Variants in MALRD1 observed in about 807,000 individuals in gnomAD.
The protein encoded by MALRD1 is MAM and LDL receptor class A domain containing 1, also known as MAM and LDL-receptor class A domain-containing protein 1.
Under a neutral mutation model 242.1 loss-of-function variants are expected in MALRD1, and 247 were observed. That is an observed-to-expected ratio of 1.02 (90% CI 0.92 to 1.13). The LOEUF is 1.13. Among genes scored for constraint, MALRD1 ranks in the 50% most tolerant of loss-of-function variants. The probability of loss-of-function intolerance (pLI) is 0.00; values close to 1 mark genes in which losing one functional copy is unlikely to be tolerated. For synonymous variants in MALRD1, 995 were observed against 866.6 expected (o/e 1.15, Z -2.60); for missense variants, 2,989 against 2,533.1 (o/e 1.18, Z -3.86).
At chr10:19,202,825 A>G (rs1836600994) in intron 14 of MALRD1, among the ~76,000 whole-genome samples, 1 of 152,132 alleles carries the variant, frequency 6.6e-6, no homozygotes, top group South Asian at 2.1e-4. Context: ...GTTAACACTT[A>G]TTGTCAACAG....
chr10:19,661,389 T>A (rs1226626759), intron 36 of MALRD1, among the ~76,000 whole-genome samples: 1 of 152,168 alleles, frequency 6.6e-6, no homozygotes, highest in Non-Finnish European at 1.5e-5. Context: ...CCAACCCAAA[T>A]GTCCAACAAT....
intron 29 of MALRD1, among the ~76,000 whole-genome samples, chr10:19,453,626 A>G (rs1442727994): frequency 6.6e-6 from 1 of 152,184 alleles, no homozygotes; most frequent in African/African-American, 2.4e-5. Flanking sequence ...CCTGCAGTCC[A>G]GCACTTTGGG....
intron 34 of MALRD1, among the ~76,000 whole-genome samples, chr10:19,597,703 T>TGAAGGAGGC (rs1378214634): frequency 1.5e-4 from 23 of 152,274 alleles, no homozygotes; most frequent in Non-Finnish European, 3.2e-4. Flanking sequence ...TATACATTAG[T>TGAAGGAGGC]GAAGGAGGCT....
chr10:19,094,701 G>A (rs1177405901), intron 4 of MALRD1, among the ~76,000 whole-genome samples: 1 of 152,182 alleles, frequency 6.6e-6, no homozygotes, highest in Non-Finnish European at 1.5e-5. Context: ...TAATGAGGAA[G>A]GAGACTGTTT....
At chr10:19,647,857 C>A (rs1212873062) in intron 36 of MALRD1, among the ~76,000 whole-genome samples, 7 of 152,110 alleles carry the variant, frequency 4.6e-5, no homozygotes, top group African/African-American at 1.7e-4. Context: ...CATGACACAA[C>A]TTTTTTCCAA....
At chr10:19,535,084 C>T (rs1367580349) in intron 32 of MALRD1, among the ~76,000 whole-genome samples, 1 of 152,088 alleles carries the variant, frequency 6.6e-6, no homozygotes, top group Non-Finnish European at 1.5e-5. Flanking sequence ...TGGCGTTTCA[C>T]CATGTTGGCC....
chr10:19,307,701 A>C (rs974708993), intron 21 of MALRD1, among the ~76,000 whole-genome samples: 1 of 151,504 alleles, frequency 6.6e-6, no homozygotes, highest in African/African-American at 2.4e-5. Flanking sequence ...TATAGTGGGG[A>C]GGAAAAATAT....
At chr10:19,432,714 G>C (rs1354331554) in intron 28 of MALRD1, among the ~76,000 whole-genome samples, 2 of 152,126 alleles carry the variant, frequency 1.3e-5, no homozygotes, top group East Asian at 3.9e-4. Context: ...AATAAGAATG[G>C]AGCCCATTTT....
At chr10:19,145,267 C>T (rs932193001) in intron 10 of MALRD1, among the ~76,000 whole-genome samples, 3 of 152,120 alleles carry the variant, frequency 2.0e-5, no homozygotes, top group African/African-American at 7.2e-5. Flanking sequence ...ATGCTCCAAA[C>T]CCCGACTTTC....
intron 31 of MALRD1, among the ~76,000 whole-genome samples, chr10:19,499,106 T>A (rs1182909393): frequency 1.3e-5 from 2 of 152,136 alleles, no homozygotes; most frequent in Non-Finnish European, 2.9e-5. Flanking sequence ...TAAGTGGTGA[T>A]GGAATGAGTG....
chr10:19,571,133 G>C (rs960826883), intron 33 of MALRD1, among the ~76,000 whole-genome samples: 14 of 152,228 alleles, frequency 9.2e-5, no homozygotes, highest in Non-Finnish European at 1.3e-4. Context: ...TGTGAGAACA[G>C]ATTATAATTA....
At chr10:19,102,646 C>T (rs1402136016) in intron 4 of MALRD1, among the ~76,000 whole-genome samples, 1 of 146,100 alleles carries the variant, frequency 6.8e-6, no homozygotes, top group Non-Finnish European at 1.5e-5. Flanking sequence ...TTCATCACAT[C>T]CATGAACAAA....
At chr10:19,329,082 G>A (rs7071861) in intron 23 of MALRD1, among the ~76,000 whole-genome samples, 118,753 of 152,234 alleles carry the variant, frequency 0.78, 46,758 homozygotes, top group African/African-American at 0.87. Flanking sequence ...TGAATTTCTA[G>A]TTTTTCACAT....
At chr10:19,476,632 G>A (rs1836746818) in intron 29 of MALRD1, among the ~76,000 whole-genome samples, 1 of 152,114 alleles carries the variant, frequency 6.6e-6, no homozygotes, top group Non-Finnish European at 1.5e-5. Context: ...ATGGATTTGA[G>A]GTATTTGTAT....
chr10:19,533,875 C>T (rs1300646053), intron 32 of MALRD1, among the ~76,000 whole-genome samples: 4 of 152,160 alleles, frequency 2.6e-5, no homozygotes, highest in Admixed American at 6.5e-5. Context: ...GCTTTTACCA[C>T]GTCCGTGGGT....
At position 19,504,838 on chromosome 10, in the gene MALRD1, G is replaced by A. The variant is rs570828638; in HGVS notation, c.5320+6192G>A. On this transcript the variant is annotated intron_variant, in intron 31 of 39. Transcript: ENST00000454679. ...GCTGGGACTACAGGCGCCCGCCACC[G>A]CGCCCGGCTAAGTTTTTGTATTTTT... 3.0e-3 allele frequency among the ~76,000 whole-genome samples: 447 copies of A among 150,420 alleles called. 3 individuals are homozygous for A. Among genetic ancestry groups the A allele is most frequent in the Non-Finnish European group, 5.4e-3 (363 of 67,622 alleles).
At chr10:19,150,588 T>C (rs187860789) in intron 11 of MALRD1, among the ~76,000 whole-genome samples, 129 of 152,304 alleles carry the variant, frequency 8.5e-4, no homozygotes, top group Admixed American at 1.8e-3. Flanking sequence ...AAACTCTGTC[T>C]AGGCAGTAAG....
At chr10:19,095,158 A>G (rs1373635438) in intron 4 of MALRD1, among the ~76,000 whole-genome samples, 1 of 152,172 alleles carries the variant, frequency 6.6e-6, no homozygotes, top group Non-Finnish European at 1.5e-5. Context: ...ATTGGATTCA[A>G]TTTTACGTTC....
At chr10:19,097,485 A>G (rs1232939863) in intron 4 of MALRD1, among the ~76,000 whole-genome samples, 3 of 152,220 alleles carry the variant, frequency 2.0e-5, no homozygotes. Flanking sequence ...AAAAAATTGC[A>G]GACAGAAGCA....
Sources: allele counts gnomAD v4.1 joint callset (sites outside exome capture counted in the v4.1 genomes callset), GRCh38; gene constraint gnomAD v4.1.1; transcripts MANE v1.5; gene names NCBI Gene and HGNC (gene_info 2026-07-23, HGNC 2026-07-21).